The following NELFCD variants were observed in gnomAD, a reference collection of about 807,000 sequenced individuals.
NELFCD encodes the protein negative elongation factor complex member C/D, also known as negative elongation factor C/D.
A neutral mutation model predicts 72.9 loss-of-function variants in NELFCD; 48 were observed. That is an observed-to-expected ratio of 0.66 (90% CI 0.52 to 0.84). NELFCD has a LOEUF of 0.84. Among genes scored for constraint, NELFCD ranks in the 40% least tolerant of loss-of-function variants. The probability of loss-of-function intolerance (pLI) is 0.00; values close to 1 mark genes in which losing one functional copy is unlikely to be tolerated. For missense variants in NELFCD, 538 were observed against 723.8 expected, an observed-to-expected ratio of 0.74 and a Z score of 2.94; for synonymous variants, 297 against 280.6, an observed-to-expected ratio of 1.06 and a Z score of -0.59.
At position 58,986,488 on chromosome 20, in the gene NELFCD, T is replaced by A. The variant is rs1168156251; in HGVS notation, c.177-266T>A. 1.1e-5 allele frequency: 6 copies of A among 555,442 alleles called. No individual in the cohort carries two copies. Among genetic ancestry groups the A allele is most frequent in the Non-Finnish European group, 1.6e-5 (5 of 317,304 alleles). The allele number at this position is 555,442 out of a possible 1,614,324, so 34.4% of individuals were successfully genotyped here. The stretch of plus-strand genomic sequence containing the variant: ...TTGCAAGGTGGCCACCACAGGCGTC[T>A]GCCATCATGCCTGGCTATTTTTGTT... On this transcript the variant is annotated intron_variant, in intron 2 of 14. Transcript: ENST00000652272. The surrounding 1 kb of genome is among the most constrained non-coding windows in gnomAD (Gnocchi z 4.4).
chr20:58,990,088 G>A (rs1176514927), intron 7 of NELFCD, 100 bp downstream of exon 7: 2 of 1,485,722 alleles, frequency 1.3e-6, no homozygotes, highest in Non-Finnish European at 1.8e-6. Context: ...AGCTCCTTCT[G>A]TTCAACGTAG....
At chr20:58,990,206 G>A (rs998075905) in intron 7 of NELFCD, 2 of 542,798 alleles carry the variant, frequency 3.7e-6, no homozygotes, top group Non-Finnish European at 6.5e-6. Context: ...AGACCAGCTT[G>A]ACCAACATGG....
Position 58,994,169 on chromosome 20 carries a change from C to T in NELFCD, c.1641C>T (p.Ile547=), listed in dbSNP as rs1272499198. 7.4e-6 allele frequency: 12 copies of T among 1,614,072 alleles called. No individual in the cohort carries two copies. Among genetic ancestry groups the T allele is most frequent in the Non-Finnish European group, 1.0e-5 (12 of 1,180,016 alleles). The change falls in exon 14 of 15, where the codon ATC becomes ATT. Residue 547 remains isoleucine (I), a synonymous_variant. Coordinates refer to ENST00000652272, the MANE Select transcript of NELFCD (RefSeq NM_198976.4). ...TSDFVQLFLP[I]LENDSIAGTI... ...ACTTCGTGCAACTTTTCCTCCCCAT[C>T]CTGGAGAATGACAGCATCGCAGGTA... is the stretch of plus-strand genomic sequence containing the variant.
In NELFCD at chr20:58,994,854, C is replaced by A. The variant is rs2091848003; in HGVS notation, c.*178C>A. The A allele has an allele frequency of 4.9e-6, 3 of 615,570 alleles. No homozygotes were observed. The Admixed American group carries it at 8.9e-5, about 18-fold the overall frequency. The allele number at this position is 615,570 out of a possible 1,614,324, so 38.1% of individuals were successfully genotyped here. A position where few individuals can be genotyped will look rare whatever the true frequency, so the allele number is the denominator to read the frequency against. ...CAGCTTCAGTGAGAAACTGCCCTTA[C>A]AAACAGTCCCTTCTCTGCTGTCAAT... On this transcript the variant is annotated 3_prime_UTR_variant, in exon 15 of 15. Transcript: ENST00000652272.
chr20:58,988,499 A>G (rs918297075), intron 4 of NELFCD, among the ~76,000 whole-genome samples: 2 of 152,232 alleles, frequency 1.3e-5, no homozygotes, highest in African/African-American at 4.8e-5. Flanking sequence ...CATCCGTCAC[A>G]TAGGAGAGCT....
Position 58,989,039 on chromosome 20 carries a change from GT to G in NELFCD, c.504+20del. 1 of 1,548,608 alleles carries G rather than the reference GT, an allele frequency of 6.5e-7. No individual in the cohort carries two copies. The highest frequency in any genetic ancestry group is 8.9e-7 in the Non-Finnish European group (1 of 1,120,308). On this transcript the variant is annotated intron_variant, in intron 5 of 14. Transcript: ENST00000652272. Reference sequence around the variant, plus strand: ...CCGTTAAGGTAGGAAGAGTTCTAGAGTTAAGGAGAAAAGTGTTTATGAATGT... The same window carrying G: ...CCGTTAAGGTAGGAAGAGTTCTAGAGTAAGGAGAAAAGTGTTTATGAATGT...
At position 58,988,178 on chromosome 20, in the gene NELFCD, A is replaced by G. The variant is rs544307023; in HGVS notation, c.396+361A>G. ...CTAGGCCTGCAGGAGATGATGGGGAAGCGACTATGAGGGAAGATGGGGTAG... is the reference window on the plus strand; with the variant it reads ...CTAGGCCTGCAGGAGATGATGGGGAGGCGACTATGAGGGAAGATGGGGTAG... On this transcript the variant is annotated intron_variant, in intron 4 of 14. Coordinates refer to ENST00000652272, the MANE Select transcript of NELFCD (RefSeq NM_198976.4). Among the ~76,000 whole-genome samples the G allele has an allele frequency of 4.0e-4, 61 of 152,290 alleles. 1 individual carries two copies. Among genetic ancestry groups the G allele is most frequent in the African/African-American group, 1.2e-3 (51 of 41,564 alleles).
At chr20:58,987,628 G>C (rs888574963) in intron 3 of NELFCD, 80 bp from the exon 4 acceptor site, 16 of 1,130,486 alleles carry the variant, frequency 1.4e-5, no homozygotes, top group African/African-American at 4.7e-5. Context: ...TTCACATAGA[G>C]ACTTTTGACC....
chr20:58,993,430 C>G lies in NELFCD; in HGVS notation c.1345-19C>G. 6.2e-7 allele frequency: 1 copy of G among 1,611,854 alleles called. No homozygotes were observed. ...CGTGACCACACTGCTCAGCGAAGCT[C>G]CCTCTGGCCTGTTTGTAGATCAGCA... On this transcript the variant is annotated intron_variant, in intron 11 of 14. Coordinates refer to ENST00000652272, the MANE Select transcript of NELFCD (RefSeq NM_198976.4). The surrounding 1 kb of genome is among the most constrained non-coding windows in gnomAD (Gnocchi z 5.0).
At chr20:58,988,029 G>C (rs2146351316) in intron 4 of NELFCD, 2 of 552,036 alleles carry the variant, frequency 3.6e-6, no homozygotes, top group East Asian at 3.0e-5. Context: ...CACAGGTGCT[G>C]AGATCAAGAG....
At position 58,991,032 on chromosome 20, in the gene NELFCD, T is replaced by C. The variant is rs1447069714; in HGVS notation, c.911T>C (p.Leu304Pro). The C allele has an allele frequency of 5.6e-6, 9 of 1,614,062 alleles. No individual in the cohort carries two copies. The highest frequency in any genetic ancestry group is 7.6e-6 in the Non-Finnish European group (9 of 1,180,022). The change falls in exon 8 of 15, where the codon CTG becomes CCG. Residue 304 changes from leucine to proline, a missense_variant. This residue lies in a region of NELFCD where 355 missense variants were observed against 534.5 expected (regional missense o/e 0.66). Coordinates refer to ENST00000652272, the MANE Select transcript of NELFCD (RefSeq NM_198976.4). ...GALNPADITV[L>P]FKMFTSMDPP... is the part of the protein sequence containing the mutation. Reference sequence around the variant, plus strand: ...CTGAACCCTGCTGACATCACCGTCCTGTTCAAGATGTTCACAAGCATGGAC... The same window carrying C: ...CTGAACCCTGCTGACATCACCGTCCCGTTCAAGATGTTCACAAGCATGGAC...
At position 58,991,285 on chromosome 20, in the gene NELFCD, C is replaced by A. The variant is rs756890103; in HGVS notation, c.955-27C>A. The stretch of plus-strand genomic sequence containing the variant: ...GAGCAGTGCCCTCACGCCTGCCATC[C>A]CGAACTGGGCATATGCTTCTCCTCA... On this transcript the variant is annotated intron_variant, in intron 8 of 14. Transcript: ENST00000652272. 29 of 1,613,622 alleles carry A rather than the reference C, an allele frequency of 1.8e-5. No individual in the cohort carries two copies. The South Asian group carries it at 3.2e-4, about 18-fold the overall frequency.
intron 5 of NELFCD, 183 bp downstream of exon 5, chr20:58,989,204 TGACTGTGTTTTA>T: frequency 1.6e-6 from 1 of 626,004 alleles, no homozygotes; most frequent in Non-Finnish European, 2.8e-6. Flanking sequence ...GGGTCAGTGT[TGACTGTGTTTTA>T]GGATTTAGCA....
chr20:58,993,241 A>G lies in NELFCD; in HGVS notation c.1344+129A>G. The G allele has an allele frequency of 1.2e-6, 1 of 864,134 alleles. No individual in the cohort carries two copies. The highest frequency in any genetic ancestry group is 1.8e-6 in the Non-Finnish European group (1 of 544,978). The allele number at this position is 864,134 out of a possible 1,614,324, so 53.5% of individuals were successfully genotyped here. A position where few individuals can be genotyped will look rare whatever the true frequency, so the allele number is the denominator to read the frequency against. ...CTCAAAAATAGTTATTTCTGTCCTG[A>G]GGATTTTCCTCTTAAGGACCTAGCT... On this transcript the variant is annotated intron_variant, in intron 11 of 14. Coordinates refer to ENST00000652272, the MANE Select transcript of NELFCD (RefSeq NM_198976.4). The surrounding 1 kb of genome is among the most constrained non-coding windows in gnomAD (Gnocchi z 5.0).
intron 10 of NELFCD, 40 bp downstream of exon 10, chr20:58,992,060 G>A (rs1270285517): frequency 1.9e-6 from 3 of 1,548,740 alleles, no homozygotes; most frequent in Non-Finnish European, 1.7e-6. Flanking sequence ...CAGTCCTTTG[G>A]GGAGGAGGTC....
rs2091832745 is a variant in NELFCD at position 58,993,498 on chromosome 20, T to G, written c.1394T>G (p.Val465Gly). ...LLHPQVLQLL[V>G]KLFETEHSQL... is the part of the protein sequence containing the mutation. ...CACCCCCAGGTCCTGCAGCTGCTTGTTAAGCTTTTTGAGACTGAGCACTCC... is the reference window on the plus strand; with the variant it reads ...CACCCCCAGGTCCTGCAGCTGCTTGGTAAGCTTTTTGAGACTGAGCACTCC... The change falls in exon 12 of 15, where the codon GTT becomes GGT. Residue 465 changes from valine to glycine, a missense_variant. Around this residue, in one of 3 missense-constraint regions of NELFCD, gnomAD observed 136 missense variants for 154.0 expected, o/e 0.88. Transcript: ENST00000652272. The surrounding 1 kb of genome is among the most constrained non-coding windows in gnomAD (Gnocchi z 5.0). The G allele has an allele frequency of 6.2e-7, 1 of 1,614,090 alleles. No homozygotes were observed. The highest frequency in any genetic ancestry group is 1.7e-5 in the Admixed American group (1 of 59,994).
In NELFCD at chr20:58,986,945, C is replaced by G. The variant is rs1414119737; in HGVS notation, c.286+82C>G. 2.7e-6 allele frequency: 2 copies of G among 742,724 alleles called. No individual in the cohort carries two copies. Among genetic ancestry groups the G allele is most frequent in the Non-Finnish European group, 2.3e-6 (1 of 441,578 alleles). 46.0% of individuals were successfully genotyped at this position (742,724 alleles called of 1,614,324 possible). ...CTTTTGGGTCCTTATAACACTGATA[C>G]AATGCCTTCTTTGATTTCCTGGTTT... is the stretch of plus-strand genomic sequence containing the variant. On this transcript the variant is annotated intron_variant, in intron 3 of 14. Transcript: ENST00000652272. This position sits in a 1 kb window ranked among gnomAD's most constrained non-coding sequence, Gnocchi z 4.4.
Position 58,995,021 on chromosome 20 carries a change from C to T in NELFCD, c.*345C>T. On this transcript the variant is annotated 3_prime_UTR_variant, in exon 15 of 15. Coordinates refer to ENST00000652272, the MANE Select transcript of NELFCD (RefSeq NM_198976.4). ...TCGGGGAACTCCTTTCCAAGCTGAC[C>T]TCAGTTTTCTCACAAGAACCCAGTT... is the stretch of plus-strand genomic sequence containing the variant. 1 of 250,532 alleles carries T rather than the reference C, an allele frequency of 4.0e-6. No individual in the cohort carries two copies. Among genetic ancestry groups the T allele is most frequent in the East Asian group, 8.3e-5 (1 of 12,090 alleles). 15.5% of individuals were successfully genotyped at this position (250,532 alleles called of 1,614,324 possible).
Position 58,986,756 on chromosome 20 carries a change from A to G in NELFCD, c.179A>G (p.Tyr60Cys), listed in dbSNP as rs750201125. The G allele has an allele frequency of 5.6e-6, 9 of 1,600,904 alleles. No individual in the cohort carries two copies. The highest frequency in any genetic ancestry group is 7.7e-6 in the Non-Finnish European group (9 of 1,168,206). Residue 60 changes from tyrosine (Y) to cysteine (C), a missense_variant and splice_region_variant, in exon 3 of 15, where the codon TAT becomes TGT. Tyr to Cys is a radical substitution (Grantham distance 194). Around this residue, in one of 3 missense-constraint regions of NELFCD, gnomAD observed 355 missense variants for 534.5 expected, o/e 0.66. Coordinates refer to ENST00000652272, the MANE Select transcript of NELFCD (RefSeq NM_198976.4). This position sits in a 1 kb window ranked among gnomAD's most constrained non-coding sequence, Gnocchi z 4.4. Reference sequence around the variant, plus strand: ...ATTGCTGTTGTTACTTTCCCTAGGTATTTTCAGGCAGGAGGGTCTCCAGAG... The same window carrying G: ...ATTGCTGTTGTTACTTTCCCTAGGTGTTTTCAGGCAGGAGGGTCTCCAGAG... Reference protein sequence around the residue: ...EPSIFNTLKRYFQAGGSPENV... With the variant: ...EPSIFNTLKRCFQAGGSPENV...
Sources: gnomAD v4.1 joint callset for allele counts (sites outside exome capture counted in the v4.1 genomes callset) on GRCh38, gnomAD v4.1.1 for gene constraint, gnomAD v4.1.1 regional missense constraint, Gnocchi (gnomAD v3.1) non-coding constraint, MANE v1.5 for transcripts, NCBI Gene and HGNC (gene_info 2026-07-23, HGNC 2026-07-21) for gene names.